AGBL1: variants seen among roughly 807,000 people sequenced by gnomAD.
AGBL1 encodes the protein cytosolic carboxypeptidase 4.
AGBL1 carries 130 observed loss-of-function variants against 118.9 expected under a neutral mutation model. The observed-to-expected ratio is 1.09, with a 90% CI of 0.95 to 1.26. AGBL1 has a LOEUF of 1.26. AGBL1 is among the 50% of genes most tolerant of loss of function. The pLI is 0.00. For synonymous variants in AGBL1, 555 were observed against 478.9 expected, an observed-to-expected ratio of 1.16 and a Z score of -2.08; for missense variants, 1,584 against 1,298.1, an observed-to-expected ratio of 1.22 and a Z score of -3.38.
chr15:86,860,523 C>G (rs998227260), intron 22 of AGBL1, among the ~76,000 whole-genome samples: 1 of 152,100 alleles, frequency 6.6e-6, no homozygotes, highest in Non-Finnish European at 1.5e-5. Context: ...TCATAAAGCA[C>G]AGAGGCTGTT....
At chr15:86,368,286 G>C (rs2080921468) in intron 17 of AGBL1, among the ~76,000 whole-genome samples, 1 of 151,798 alleles carries the variant, frequency 6.6e-6, no homozygotes, top group African/African-American at 2.4e-5. Flanking sequence ...CGGAGGGAGA[G>C]AGATAAACAT....
intron 23 of AGBL1, among the ~76,000 whole-genome samples, chr15:86,957,631 A>G (rs1249250550): frequency 6.6e-6 from 1 of 152,112 alleles, no homozygotes; most frequent in Admixed American, 6.6e-5. Context: ...ATCATCCTGT[A>G]ATATATTTAA....
intron 22 of AGBL1, among the ~76,000 whole-genome samples, chr15:86,688,012 T>C (rs1328296900): frequency 6.6e-6 from 1 of 152,158 alleles, no homozygotes; most frequent in East Asian, 1.9e-4. Context: ...CTAACTTTTG[T>C]TAGCAGCAGA....
intron 7 of AGBL1, among the ~76,000 whole-genome samples, chr15:86,248,474 C>T (rs139261684): frequency 1.4e-4 from 22 of 152,166 alleles, no homozygotes; most frequent in Non-Finnish European, 2.6e-4. Context: ...AATCCTAGCT[C>T]TAGGGCCTAC....
intron 22 of AGBL1, among the ~76,000 whole-genome samples, chr15:86,799,216 T>C (rs941231938): frequency 1.3e-5 from 2 of 152,084 alleles, no homozygotes; most frequent in African/African-American, 4.8e-5. Flanking sequence ...TTAGGGTACA[T>C]GTGCACAATG....
chr15:86,698,030 A>G (rs566674093), intron 22 of AGBL1, among the ~76,000 whole-genome samples: 12 of 152,094 alleles, frequency 7.9e-5, no homozygotes, highest in African/African-American at 2.6e-4. Flanking sequence ...TCTTGGAGCA[A>G]AAGTTCACAA....
At chr15:86,902,799 T>C (rs936581678) in intron 22 of AGBL1, among the ~76,000 whole-genome samples, 1 of 152,176 alleles carries the variant, frequency 6.6e-6, no homozygotes, top group African/African-American at 2.4e-5. Context: ...CCTATGGCAT[T>C]GTTCCCCTAA....
rs2079704419 is a variant in AGBL1 at position 86,870,425 on chromosome 15, C to A, written c.3159-36662C>A. On this transcript the variant is annotated intron_variant, in intron 22 of 22. Coordinates refer to ENST00000614907, the MANE Select transcript of AGBL1 (RefSeq NM_001386094.1). ...AAGAGAATCCATAGCCTGCATCCAA[C>A]TGTGGCAAGAAAAAAGTAAAGCATA... Among the ~76,000 whole-genome samples the A allele has an allele frequency of 3.9e-5, 4 of 102,314 alleles. No individual in the cohort carries two copies. The South Asian group carries it at 1.3e-3, about 34-fold the overall frequency. The allele number at this position is 102,314 out of a possible 152,430, so 67.1% of individuals were successfully genotyped here.
At chr15:86,966,133 A>G (rs187833569) in intron 23 of AGBL1, among the ~76,000 whole-genome samples, 4 of 152,100 alleles carry the variant, frequency 2.6e-5, no homozygotes, top group African/African-American at 9.6e-5. Flanking sequence ...ATTACTGAAA[A>G]CGCCTTTTCA....
intron 17 of AGBL1, among the ~76,000 whole-genome samples, chr15:86,384,592 G>A (rs28604306): frequency 0.49 from 74,904 of 151,856 alleles, 21,438 homozygotes; most frequent in East Asian, 0.8. Context: ...AATTTCCAGA[G>A]AAATCTGTAG....
intron 16 of AGBL1, among the ~76,000 whole-genome samples, chr15:86,285,799 T>C (rs1336184418): frequency 6.6e-6 from 1 of 152,188 alleles, no homozygotes; most frequent in African/African-American, 2.4e-5. Flanking sequence ...AAGAAAACTT[T>C]CAGGCTTTGC....
At chr15:86,094,543 T>C (rs1896232551) in intron 1 of AGBL1, among the ~76,000 whole-genome samples, 1 of 152,080 alleles carries the variant, frequency 6.6e-6, no homozygotes, top group African/African-American at 2.4e-5. Flanking sequence ...GAAGTAGGAT[T>C]GGGCAGAGGG....
At chr15:86,083,952 T>G (rs1020622170) in intron 1 of AGBL1, among the ~76,000 whole-genome samples, 1 of 152,204 alleles carries the variant, frequency 6.6e-6, no homozygotes, top group African/African-American at 2.4e-5. Flanking sequence ...TTCCTTTAGA[T>G]AGCAAACACT....
At chr15:87,004,998 A>T (rs1194573868) in intron 24 of AGBL1, among the ~76,000 whole-genome samples, 3 of 152,140 alleles carry the variant, frequency 2.0e-5, no homozygotes. Context: ...TATTTTGTTT[A>T]AGAATGTTGA....
intron 6 of AGBL1, among the ~76,000 whole-genome samples, chr15:86,243,626 G>T (rs1157289899): frequency 6.6e-6 from 1 of 152,128 alleles, no homozygotes; most frequent in Non-Finnish European, 1.5e-5. Flanking sequence ...ATGCTTTTAG[G>T]GTGGGGTAGA....
intron 18 of AGBL1, among the ~76,000 whole-genome samples, chr15:86,466,279 G>A (rs996124993): frequency 2.0e-5 from 3 of 151,804 alleles, no homozygotes; most frequent in Admixed American, 6.6e-5. Flanking sequence ...CTGCTTCATC[G>A]ATTTGTCTAT....
chr15:86,167,762 T>C (rs962753270), intron 5 of AGBL1, among the ~76,000 whole-genome samples: 1 of 152,156 alleles, frequency 6.6e-6, no homozygotes, highest in Non-Finnish European at 1.5e-5. Context: ...ATCACACAAA[T>C]GTGTAGCCAT....
intron 1 of AGBL1, among the ~76,000 whole-genome samples, chr15:86,114,698 A>G (rs568093297): frequency 1.3e-5 from 2 of 152,202 alleles, no homozygotes; most frequent in African/African-American, 4.8e-5. Context: ...AGGGTTCCAC[A>G]TAGCAGAATG....
intron 22 of AGBL1, among the ~76,000 whole-genome samples, chr15:86,686,291 C>T (rs1328574316): frequency 6.6e-6 from 1 of 152,060 alleles, no homozygotes; most frequent in African/African-American, 2.4e-5. Context: ...AAGTGATTTG[C>T]ATTCCAGTCT....
Sources: allele counts gnomAD v4.1 joint callset (sites outside exome capture counted in the v4.1 genomes callset), GRCh38; gene constraint gnomAD v4.1.1; transcripts MANE v1.5; gene names NCBI Gene and HGNC (gene_info 2026-07-23, HGNC 2026-07-21).